WDPCP: variants seen among roughly 807,000 people sequenced by gnomAD.
WDPCP encodes WD repeat-containing and planar cell polarity effector protein fritz homolog.
WDPCP carries 71 observed loss-of-function variants against 93.1 expected under a neutral mutation model. The ratio of observed to expected loss-of-function variants is 0.76; its 90% CI spans 0.63 to 0.93. The LOEUF (loss-of-function observed/expected upper bound fraction) is 0.93, where lower values mean the gene tolerates loss of function less well. WDPCP is among the 40% of genes least tolerant of loss of function. The pLI is 0.00. For synonymous variants in WDPCP, 315 were observed against 315.0 expected (o/e 1.00, Z 0.00); for missense variants, 844 against 887.4 (o/e 0.95, Z 0.62).
intron 14 of WDPCP, among the ~76,000 whole-genome samples, chr2:63,242,771 C>T (rs1340292668): frequency 1.3e-5 from 2 of 152,134 alleles, no homozygotes; most frequent in Admixed American, 6.6e-5. Context: ...GCCTTAGGAA[C>T]AGGTTCTGTC....
intron 15 of WDPCP, among the ~76,000 whole-genome samples, chr2:63,171,563 A>G (rs1252081548): frequency 6.6e-6 from 1 of 152,188 alleles, no homozygotes; most frequent in East Asian, 1.9e-4. Flanking sequence ...AGAAATTGGA[A>G]CCCTTATATA....
At chr2:63,675,816 T>A (rs1437104989) in intron 2 of WDPCP, among the ~76,000 whole-genome samples, 1 of 152,204 alleles carries the variant, frequency 6.6e-6, no homozygotes, top group Non-Finnish European at 1.5e-5. Context: ...TGAAATAATA[T>A]CATTTATTTA....
At chr2:63,304,595 G>A (rs939160965) in intron 13 of WDPCP, among the ~76,000 whole-genome samples, 2 of 152,188 alleles carry the variant, frequency 1.3e-5, no homozygotes, top group South Asian at 4.1e-4. Context: ...CATGGTTTTC[G>A]CAACTTGCAG....
At chr2:63,410,332 A>G (rs1022709888) in intron 9 of WDPCP, among the ~76,000 whole-genome samples, 1 of 152,222 alleles carries the variant, frequency 6.6e-6, no homozygotes, top group African/African-American at 2.4e-5. Flanking sequence ...AGAATTTGCC[A>G]CTACCAAGCA....
intron 14 of WDPCP, among the ~76,000 whole-genome samples, chr2:63,225,099 TACTC>T (rs1317617793): frequency 9.3e-5 from 14 of 151,256 alleles, no homozygotes; most frequent in South Asian, 2.1e-4. Context: ...TTTATAAAGA[TACTC>T]AGGAATGAAA....
chr2:63,796,597 C>T (rs1670620912), intron 2 of WDPCP, among the ~76,000 whole-genome samples: 1 of 152,206 alleles, frequency 6.6e-6, no homozygotes, highest in African/African-American at 2.4e-5. Context: ...CAATGGAACT[C>T]AGTGCTGCCC....
chr2:63,422,801 T>C (rs956195505), intron 9 of WDPCP, among the ~76,000 whole-genome samples: 9 of 152,158 alleles, frequency 5.9e-5, no homozygotes, highest in African/African-American at 1.9e-4. Context: ...GAGAAACATA[T>C]TGAACCAAAC....
At chr2:63,515,302 C>G (rs1161963361) in intron 1 of WDPCP, among the ~76,000 whole-genome samples, 2 of 152,142 alleles carry the variant, frequency 1.3e-5, no homozygotes, top group East Asian at 3.8e-4. Context: ...CCAATTTAGA[C>G]TTACGTAAAG....
chr2:63,472,596 T>A (rs986689796), intron 6 of WDPCP, among the ~76,000 whole-genome samples: 2 of 152,192 alleles, frequency 1.3e-5, no homozygotes, highest in Admixed American at 1.3e-4. Context: ...TTTTTTATTT[T>A]TTATTTTTTT....
chr2:63,409,007 A>G (rs1159207114), intron 9 of WDPCP, among the ~76,000 whole-genome samples: 1 of 152,154 alleles, frequency 6.6e-6, no homozygotes, highest in African/African-American at 2.4e-5. Flanking sequence ...TGGGAGTTCT[A>G]GGGCCCTGCT....
chr2:63,794,568 T>C (rs555801844), intron 2 of WDPCP, among the ~76,000 whole-genome samples: 1 of 152,338 alleles, frequency 6.6e-6, no homozygotes, highest in South Asian at 2.1e-4. Context: ...TATCATCCTA[T>C]GACCACTAGG....
At chr2:63,428,918 C>A (rs773328792) in intron 9 of WDPCP, among the ~76,000 whole-genome samples, 1 of 152,168 alleles carries the variant, frequency 6.6e-6, no homozygotes, top group Non-Finnish European at 1.5e-5. Context: ...GAAAAACATT[C>A]CATGCTCAGA....
intron 9 of WDPCP, among the ~76,000 whole-genome samples, chr2:63,422,591 AATAAC>A (rs1695949725): frequency 1.3e-5 from 2 of 152,174 alleles, no homozygotes; most frequent in South Asian, 4.1e-4. Context: ...ATGAAAAATA[AATAAC>A]ATAATTATAA....
At chr2:63,526,769 T>C (rs973786421) in intron 1 of WDPCP, among the ~76,000 whole-genome samples, 6 of 152,340 alleles carry the variant, frequency 3.9e-5, no homozygotes, top group African/African-American at 1.4e-4. Flanking sequence ...CCCCCATACT[T>C]CAATCCCAGT....
chr2:63,379,111 C>T (rs1478895140), intron 11 of WDPCP, among the ~76,000 whole-genome samples: 1 of 152,004 alleles, frequency 6.6e-6, no homozygotes, highest in East Asian at 1.9e-4. Context: ...ACTGGAGAGG[C>T]AGGTTTTGAT....
At chr2:63,411,915 A>G (rs1410863044) in intron 9 of WDPCP, among the ~76,000 whole-genome samples, 1 of 152,164 alleles carries the variant, frequency 6.6e-6, no homozygotes, top group Non-Finnish European at 1.5e-5. Context: ...AATGTCCAGG[A>G]TCAGACGGAT....
chr2:63,541,779 C>G (rs1340309346), intron 1 of WDPCP, among the ~76,000 whole-genome samples: 1 of 152,090 alleles, frequency 6.6e-6, no homozygotes, highest in Admixed American at 6.6e-5. Flanking sequence ...ACTTCCAAAT[C>G]TCTTTGGGCT....
Position 63,289,876 on chromosome 2 carries a change from T to A in WDPCP, c.1812+23372A>T, listed in dbSNP as rs184441617. Among the ~76,000 whole-genome samples, 14 of 152,132 alleles carry A rather than the reference T, an allele frequency of 9.2e-5. No homozygotes were observed. The East Asian group carries it at 2.7e-3, about 29-fold the overall frequency. ...CTTATCTCTGGTGATACTTTCTTTG[T>A]TTTTGAAGTCACTTTGTCTTATATT... On this transcript the variant is annotated intron_variant, in intron 13 of 17. Transcript: ENST00000272321.
At chr2:63,336,824 C>T (rs997384131) in intron 12 of WDPCP, among the ~76,000 whole-genome samples, 2 of 150,186 alleles carry the variant, frequency 1.3e-5, no homozygotes, top group Admixed American at 1.3e-4. Context: ...TATTTTTCCC[C>T]TTTTATCCTC....
Sources: gnomAD v4.1 joint callset for allele counts (sites outside exome capture counted in the v4.1 genomes callset) on GRCh38, gnomAD v4.1.1 for gene constraint, MANE v1.5 for transcripts, NCBI Gene and HGNC (gene_info 2026-07-23, HGNC 2026-07-21) for gene names.